Variants in ZC3H7B observed in about 807,000 individuals in gnomAD.
The protein encoded by ZC3H7B is zinc finger CCCH domain-containing protein 7B.
In ZC3H7B, 35 loss-of-function variants were observed where a neutral mutation model predicts 116.0. The ratio of observed to expected loss-of-function variants is 0.30; its 90% CI spans 0.23 to 0.40. The LOEUF is 0.40. Among genes scored for constraint, ZC3H7B ranks in the 10% least tolerant of loss-of-function variants. The pLI, the probability that ZC3H7B is intolerant of heterozygous loss-of-function variation, is 1.00. For missense variants in ZC3H7B, 1,011 were observed against 1,321.5 expected, an observed-to-expected ratio of 0.77 and a Z score of 3.64; for synonymous variants, 502 against 545.6, an observed-to-expected ratio of 0.92 and a Z score of 1.11.
chr22:41,352,835 T>C (rs1434404409), intron 17 of ZC3H7B, among the ~76,000 whole-genome samples: 8 of 151,868 alleles, frequency 5.3e-5, no homozygotes, highest in Admixed American at 5.3e-4. Context: ...CCCAGCACTT[T>C]GGGAGGCTGA....
chr22:41,340,415 G>A (rs987708933), intron 10 of ZC3H7B, among the ~76,000 whole-genome samples: 1 of 151,944 alleles, frequency 6.6e-6, no homozygotes, highest in African/African-American at 2.4e-5. Context: ...CCAGCCTCCC[G>A]GGACCCTGGG....
At chr22:41,310,832 T>C (rs2145898463) in intron 1 of ZC3H7B, among the ~76,000 whole-genome samples, 1 of 152,264 alleles carries the variant, frequency 6.6e-6, no homozygotes, top group Middle Eastern at 3.4e-3. Context: ...TGGCACTATC[T>C]CGGCTCACTG....
At chr22:41,308,151 T>A (rs893569660) in intron 1 of ZC3H7B, among the ~76,000 whole-genome samples, 7 of 152,070 alleles carry the variant, frequency 4.6e-5, no homozygotes, top group African/African-American at 7.2e-5. Flanking sequence ...GAACCATGTC[T>A]TCTGATTGGT....
At chr22:41,335,238 C>T (rs1243231767) in intron 7 of ZC3H7B, 1 of 152,236 alleles carries the variant, frequency 6.6e-6, no homozygotes, top group Non-Finnish European at 1.5e-5. Context: ...GCAGGCCACT[C>T]CACCCCTCAG....
chr22:41,336,602 A>G (rs1417123670), intron 7 of ZC3H7B: 1 of 151,720 alleles, frequency 6.6e-6, no homozygotes, highest in Non-Finnish European at 1.5e-5. Context: ...GGCGGAGCTT[A>G]CAGTGAGCTG....
chr22:41,338,608 C>G lies in ZC3H7B; in HGVS notation c.625+253C>G, dbSNP rs567544499. 4.2e-4 allele frequency among the ~76,000 whole-genome samples: 64 copies of G among 152,294 alleles called. No individual in the cohort carries two copies. Among genetic ancestry groups the G allele is most frequent in the African/African-American group, 1.5e-3 (63 of 41,552 alleles). On this transcript the variant is annotated intron_variant, in intron 8 of 22. Transcript: ENST00000352645. The surrounding 1 kb of genome is among the most constrained non-coding windows in gnomAD (Gnocchi z 4.5). ...GTGCAACAGTCCCATGGCCTTCACT[C>G]CTGGCTGCCTGCACACCCCCACCTC... is the stretch of plus-strand genomic sequence containing the variant.
In ZC3H7B at chr22:41,339,004, G is replaced by A; in HGVS notation, c.629G>A (p.Cys210Tyr). Residue 210 changes from cysteine to tyrosine, a missense_variant, in exon 9 of 23, where the codon TGC becomes TAC. Cys to Tyr is a radical substitution (Grantham distance 194, BLOSUM62 -2). Transcript: ENST00000352645. ...CTCTTGCCCACCCCATCCGCAGACT[G>A]CTACGTGGACCCTCGAGGCTCCCCA... ...LGSIDDIETD[C>Y]YVDPRGSPAL... The A allele has an allele frequency of 6.3e-7, 1 of 1,577,546 alleles. No homozygotes were observed. The highest frequency in any genetic ancestry group is 8.6e-7 in the Non-Finnish European group (1 of 1,158,654).
intron 1 of ZC3H7B, among the ~76,000 whole-genome samples, chr22:41,311,405 GTTTGGAATGTGTTC>G (rs2145899189): frequency 1.3e-5 from 2 of 152,200 alleles, no homozygotes; most frequent in South Asian, 4.1e-4. Flanking sequence ...GCTGAGTTCA[GTTTGGAATGTGTTC>G]AGTTGGAGAA....
chr22:41,329,213 A>AT (rs2036352494), intron 5 of ZC3H7B, among the ~76,000 whole-genome samples: 1 of 150,796 alleles, frequency 6.6e-6, no homozygotes, highest in African/African-American at 2.4e-5. Flanking sequence ...TCAAAAAATC[A>AT]AAAAGAAAGA....
intron 20 of ZC3H7B, 123 bp downstream of exon 20, chr22:41,356,185 C>T: frequency 6.9e-7 from 1 of 1,459,602 alleles, no homozygotes; most frequent in Non-Finnish European, 9.2e-7. Context: ...CCTTCTCCAC[C>T]TGCCCCATGC....
At position 41,338,457 on chromosome 22, in the gene ZC3H7B, C is replaced by A; in HGVS notation, c.625+102C>A. On this transcript the variant is annotated intron_variant, in intron 8 of 22. Transcript: ENST00000352645. The surrounding 1 kb of genome is among the most constrained non-coding windows in gnomAD (Gnocchi z 4.5). ...CCAGCCCTGTAGATGGGAGGGCCTC[C>A]GAGGGGTTCCCCACCCTGGTACTCC... 7.9e-7 allele frequency: 1 copy of A among 1,269,734 alleles called. No homozygotes were observed. 78.7% of individuals were successfully genotyped at this position (1,269,734 alleles called of 1,614,324 possible). A position where few individuals can be genotyped will look rare whatever the true frequency, so the allele number is the denominator to read the frequency against.
At chr22:41,356,866 C>T (rs749048542) in intron 22 of ZC3H7B, 58 bp downstream of exon 22, 36 of 1,603,152 alleles carry the variant, frequency 2.2e-5, no homozygotes, top group Admixed American at 6.7e-5. Flanking sequence ...AGATGGAGTC[C>T]GTGGCCAGCT....
chr22:41,321,120 G>C (rs1601770722), intron 2 of ZC3H7B, among the ~76,000 whole-genome samples: 1 of 151,990 alleles, frequency 6.6e-6, no homozygotes, highest in East Asian at 1.9e-4. Context: ...CCTGGCTGGA[G>C]TGAATGGTGC....
rs560834337 is a variant in ZC3H7B at position 41,339,802 on chromosome 22, T to C, written c.817-14T>C. 1 of 1,576,702 alleles carries C rather than the reference T, an allele frequency of 6.3e-7. No homozygotes were observed. The highest frequency in any genetic ancestry group is 1.3e-5 in the African/African-American group (1 of 74,470). On this transcript the variant is annotated splice_polypyrimidine_tract_variant and intron_variant, in intron 9 of 22. Transcript: ENST00000352645. ...TGTTTTCCTCTGACCCCTCCCTCTG[T>C]CCCTGCCTCATAGTCTCTGGTCCAG... is the stretch of plus-strand genomic sequence containing the variant.
At chr22:41,355,445 AC>A in intron 17 of ZC3H7B, 23 bp from the exon 18 acceptor site, 3 of 1,612,466 alleles carry the variant, frequency 1.9e-6, no homozygotes, top group South Asian at 1.1e-5. Flanking sequence ...AGCTTCACCA[AC>A]CCCCCTCCCC....
chr22:41,352,872 G>A (rs1307705723), intron 17 of ZC3H7B, among the ~76,000 whole-genome samples: 1 of 151,454 alleles, frequency 6.6e-6, no homozygotes, highest in African/African-American at 2.4e-5. Context: ...GAGGTCAGGA[G>A]TTTGAGACCA....
In ZC3H7B at chr22:41,327,328, C is replaced by T. The variant is rs766208247; in HGVS notation, c.408C>T (p.Tyr136=). ...AACTGGGACGCCACAAGGAGGCCTA[C>T]GAGTGCAGCAGCCGGTGTTCCCTCG... is the stretch of plus-strand genomic sequence containing the variant. ...LNELGRHKEA[Y]ECSSRCSLAL... is the part of the protein sequence containing the mutation. The change falls in exon 5 of 23, where the codon TAC becomes TAT. Residue 136 remains tyrosine, a synonymous_variant. Coordinates refer to ENST00000352645, the MANE Select transcript of ZC3H7B (RefSeq NM_017590.6). The surrounding 1 kb of genome is among the most constrained non-coding windows in gnomAD (Gnocchi z 4.5). 9.3e-6 allele frequency: 15 copies of T among 1,613,016 alleles called. No homozygotes were observed. Among genetic ancestry groups the T allele is most frequent in the East Asian group, 6.7e-5 (3 of 44,902 alleles).
chr22:41,342,416 C>G (rs548815561), intron 11 of ZC3H7B, 113 bp from the exon 12 acceptor site: 2 of 960,384 alleles, frequency 2.1e-6, no homozygotes, highest in South Asian at 2.9e-5. Flanking sequence ...TGGTTTTGCT[C>G]TTGGGTAGGA....
chr22:41,341,291 T>C, intron 11 of ZC3H7B, 145 bp downstream of exon 11: 1 of 974,242 alleles, frequency 1.0e-6, no homozygotes, highest in Non-Finnish European at 1.5e-6. Context: ...TCAAAGATGA[T>C]CACCTCGTGC....
Sources: allele counts gnomAD v4.1 joint callset (sites outside exome capture counted in the v4.1 genomes callset), GRCh38; gene constraint gnomAD v4.1.1; non-coding constraint Gnocchi (gnomAD v3.1); transcripts MANE v1.5; gene names NCBI Gene and HGNC (gene_info 2026-07-23, HGNC 2026-07-21).